Variants in ADRA1B observed in about 807,000 individuals in gnomAD.
ADRA1B encodes the protein alpha-1B adrenergic receptor.
ADRA1B carries 17 observed loss-of-function variants against 17.9 expected under a neutral mutation model. That is an observed-to-expected ratio of 0.95 (90% CI 0.65 to 1.42). The LOEUF (loss-of-function observed/expected upper bound fraction) is 1.42. ADRA1B is among the 40% of genes most tolerant of loss of function. The pLI is 0.00. For missense variants in ADRA1B, 681 were observed against 722.1 expected (o/e 0.94, Z 0.65); for synonymous variants, 366 against 327.6 (o/e 1.12, Z -1.27).
chr5:159,901,907 A>G (rs147344589), intron 1 of ADRA1B, among the ~76,000 whole-genome samples: 247 of 152,364 alleles, frequency 1.6e-3, no homozygotes, highest in Middle Eastern at 6.8e-3. Flanking sequence ...GTGGGATTGT[A>G]AAGTGGAACA....
chr5:159,898,626 A>C (rs1007624302), intron 1 of ADRA1B, among the ~76,000 whole-genome samples: 1 of 152,246 alleles, frequency 6.6e-6, no homozygotes, highest in South Asian at 2.1e-4. Flanking sequence ...CACTATCTAA[A>C]GATTTTATCT....
At chr5:159,865,162 T>C (rs1753637870) in exon 1 of ADRA1B, 1 of 152,110 alleles carries the variant, frequency 6.6e-6, no homozygotes, top group Non-Finnish European at 1.5e-5. Flanking sequence ...ATCTGAGGGA[T>C]CCTCACAGAA....
intron 1 of ADRA1B, chr5:159,888,082 C>T (rs1753944847): frequency 6.6e-6 from 1 of 152,128 alleles, no homozygotes; most frequent in Non-Finnish European, 1.5e-5. Context: ...AAGACTTGCC[C>T]AAGGTTGCAC....
chr5:159,912,190 A>G (rs1173381195), upstream of ADRA1B, among the ~76,000 whole-genome samples: 3 of 152,208 alleles, frequency 2.0e-5, no homozygotes, highest in African/African-American at 7.2e-5. Context: ...CTGTAGAGCT[A>G]GGAACTATTC....
chr5:159,913,288 T>C (rs1426737429), upstream of ADRA1B, among the ~76,000 whole-genome samples: 1 of 152,144 alleles, frequency 6.6e-6, no homozygotes, highest in Admixed American at 6.5e-5. Context: ...TGTGTTCTCA[T>C]GACACCTAAA....
intron 1 of ADRA1B, among the ~76,000 whole-genome samples, chr5:159,927,056 G>A (rs762253543): frequency 1.9e-4 from 29 of 152,238 alleles, no homozygotes; most frequent in Middle Eastern, 6.8e-3. Context: ...TCATGAAGCC[G>A]GTGAAGCGAG....
At chr5:159,892,366 T>C (rs988728882) in intron 1 of ADRA1B, among the ~76,000 whole-genome samples, 6 of 152,206 alleles carry the variant, frequency 3.9e-5, no homozygotes, top group Non-Finnish European at 7.3e-5. Context: ...ATGTGCAAGA[T>C]GTGCAGGTTT....
At chr5:159,971,226 C>G (rs1266392167) in intron 1 of ADRA1B, among the ~76,000 whole-genome samples, 2 of 152,186 alleles carry the variant, frequency 1.3e-5, no homozygotes, top group Admixed American at 6.5e-5. Context: ...ACTGGGAACA[C>G]TTTTTCTTGC....
chr5:159,870,292 G>A (rs1023435608), intron 1 of ADRA1B: 96 of 152,122 alleles, frequency 6.3e-4, no homozygotes, highest in African/African-American at 2.2e-3. Flanking sequence ...CACAGAGAAA[G>A]CAAGCCATCT....
rs1433010640 is a variant in ADRA1B at position 159,916,595 on chromosome 5, C to T, written c.-311C>T. The T allele has an allele frequency of 4.5e-6, 1 of 220,260 alleles. No individual in the cohort carries two copies. Among genetic ancestry groups the T allele is most frequent in the Non-Finnish European group, 8.8e-6 (1 of 113,384 alleles). 13.6% of individuals were successfully genotyped at this position (220,260 alleles called of 1,614,324 possible). A position where few individuals can be genotyped will look rare whatever the true frequency, so the allele number is the denominator to read the frequency against. On this transcript the variant is annotated 5_prime_UTR_variant, in exon 1 of 2. Transcript: ENST00000306675. Reference sequence around the variant, plus strand: ...CTGGGCACCGCCGGGCGCCCCCGGCCCTGCCGCCCCCTCCTCCCCGCCGCT... The same window carrying T: ...CTGGGCACCGCCGGGCGCCCCCGGCTCTGCCGCCCCCTCCTCCCCGCCGCT...
chr5:159,984,857 A>G, the ADRA1B span, among the ~76,000 whole-genome samples: 32 of 151,578 alleles, frequency 2.1e-4, no homozygotes, highest in South Asian at 1.9e-3. Context: ...TACAGTGAGG[A>G]TCAGGCCACA....
rs1753934426 is a variant in ADRA1B, at chr5:159,887,177, A to G, written c.-256+21971A>G. Among the ~76,000 whole-genome samples the G allele has an allele frequency of 1.3e-5, 2 of 152,222 alleles. 1 individual carries two copies. The highest frequency in any genetic ancestry group is 4.1e-4 in the South Asian group (2 of 4,832). ...ACAAAGACTAGACTACGTACAATTC[A>G]GTGCACTTGAGCTTTAACCAAACAA... On this transcript the variant is annotated intron_variant, in intron 1 of 2. Transcript: ENST00000641205.
At chr5:159,884,825 G>A (rs1371665661) in intron 1 of ADRA1B, among the ~76,000 whole-genome samples, 1 of 152,208 alleles carries the variant, frequency 6.6e-6, no homozygotes, top group East Asian at 1.9e-4. Context: ...TTGCCATCTT[G>A]AATAGAGAAA....
chr5:159,919,498 T>C (rs1204778026), intron 1 of ADRA1B, among the ~76,000 whole-genome samples: 1 of 152,250 alleles, frequency 6.6e-6, no homozygotes, highest in Non-Finnish European at 1.5e-5. Context: ...GATTAATATT[T>C]GCTCCATGGA....
chr5:159,932,118 C>G (rs1460485654), intron 1 of ADRA1B, among the ~76,000 whole-genome samples: 1 of 152,100 alleles, frequency 6.6e-6, no homozygotes, highest in Non-Finnish European at 1.5e-5. Flanking sequence ...ATCGATGAAA[C>G]TGAGTCTTTT....
rs766562864 is a variant in ADRA1B, at chr5:159,917,460, G to T, written c.555G>T (p.Lys185Asn). ...CCATCGGGCCTCTCCTTGGGTGGAA[G>T]GAGCCGGCACCCAACGATGACAAGG... ...VISIGPLLGW[K>N]EPAPNDDKEC... Residue 185 changes from lysine (K) to asparagine (N), a missense_variant, in exon 1 of 2, where the codon AAG becomes AAT. Physicochemically the swap from Lys to Asn is moderately conservative, Grantham distance 94. This residue lies in a region of ADRA1B where 424 missense variants were observed against 480.2 expected (regional missense o/e 0.88). Transcript: ENST00000306675. 8 of 1,614,156 alleles carry T rather than the reference G, an allele frequency of 5.0e-6. No individual in the cohort carries two copies. The highest frequency in any genetic ancestry group is 3.4e-6 in the Non-Finnish European group (4 of 1,180,010).
Position 159,952,535 on chromosome 5 carries a change from G to C in ADRA1B, c.950-19344G>C, listed in dbSNP as rs111486691. 7.2e-3 allele frequency among the ~76,000 whole-genome samples: 1,103 copies of C among 152,306 alleles called. 16 individuals carry two copies. Among genetic ancestry groups the C allele is most frequent in the African/African-American group, 0.024 (1,000 of 41,570 alleles). On this transcript the variant is annotated intron_variant, in intron 1 of 1. Coordinates refer to ENST00000306675, the MANE Select transcript of ADRA1B (RefSeq NM_000679.4). Reference sequence around the variant, plus strand: ...TCACCAGGTTAAAACAGCAGCACATGGGAGAGCAGGAGCTCATGGGTTGTA... The same window carrying C: ...TCACCAGGTTAAAACAGCAGCACATCGGAGAGCAGGAGCTCATGGGTTGTA...
chr5:159,953,427 C>T (rs1291867578), intron 1 of ADRA1B, among the ~76,000 whole-genome samples: 1 of 152,132 alleles, frequency 6.6e-6, no homozygotes, highest in Non-Finnish European at 1.5e-5. Flanking sequence ...ACTATCCCCA[C>T]CACACATCTC....
intron 1 of ADRA1B, chr5:159,869,233 C>G (rs1228914083): frequency 6.6e-6 from 1 of 152,222 alleles, no homozygotes; most frequent in Admixed American, 6.5e-5. Flanking sequence ...CCTGGACAAA[C>G]CATTCCTGGA....
Sources: gnomAD v4.1 joint callset for allele counts (sites outside exome capture counted in the v4.1 genomes callset) on GRCh38, gnomAD v4.1.1 for gene constraint, gnomAD v4.1.1 regional missense constraint, MANE v1.5 for transcripts, NCBI Gene and HGNC (gene_info 2026-07-23, HGNC 2026-07-21) for gene names.